The following WDR37 variants were observed in gnomAD, a reference collection of about 807,000 sequenced individuals.
WDR37 encodes the protein WD repeat domain 37.
WDR37 carries 19 observed loss-of-function variants against 62.9 expected under a neutral mutation model. That is an observed-to-expected ratio of 0.30 (90% CI 0.21 to 0.44). The LOEUF (loss-of-function observed/expected upper bound fraction) is 0.44. WDR37 is among the 20% of genes least tolerant of loss of function. WDR37 has a pLI of 1.00. For synonymous variants in WDR37, 250 were observed against 260.9 expected (o/e 0.96, Z 0.40); for missense variants, 474 against 657.6 (o/e 0.72, Z 3.05).
chr10:1,102,802 C>G (rs567124597), intron 9 of WDR37, among the ~76,000 whole-genome samples: 1 of 152,182 alleles, frequency 6.6e-6, no homozygotes, highest in African/African-American at 2.4e-5. Context: ...GTATATATGA[C>G]ATACCTCTCC....
intron 7 of WDR37, among the ~76,000 whole-genome samples, chr10:1,087,619 T>A (rs1484072160): frequency 6.6e-6 from 1 of 152,222 alleles, no homozygotes; most frequent in Non-Finnish European, 1.5e-5. Context: ...TAGGTCTTAA[T>A]GGTAGGCTTA....
chr10:1,092,197 A>T (rs897594643), intron 7 of WDR37, among the ~76,000 whole-genome samples: 1 of 143,674 alleles, frequency 7.0e-6, no homozygotes, highest in African/African-American at 2.6e-5. Context: ...AAAAAAAAAA[A>T]AGAAAATGAT....
intron 11 of WDR37, among the ~76,000 whole-genome samples, chr10:1,112,071 C>A (rs112417884): frequency 5.3e-5 from 8 of 152,240 alleles, no homozygotes; most frequent in Non-Finnish European, 1.2e-4. Context: ...CTATTTCTTA[C>A]ACCTTGTTTG....
At chr10:1,086,649 C>T (rs890225139) in intron 7 of WDR37, among the ~76,000 whole-genome samples, 35 of 152,052 alleles carry the variant, frequency 2.3e-4, no homozygotes, top group African/African-American at 8.2e-4. Context: ...GAAATGTGTG[C>T]GTTATTTTTC....
chr10:1,110,831 C>T (rs546046496), intron 11 of WDR37, among the ~76,000 whole-genome samples: 102 of 152,358 alleles, frequency 6.7e-4, no homozygotes, highest in Middle Eastern at 3.4e-3. Context: ...AGCGTGTTAG[C>T]GCCCAGACCC....
At chr10:1,057,212 C>T (rs1274169579) in intron 1 of WDR37, among the ~76,000 whole-genome samples, 1 of 151,166 alleles carries the variant, frequency 6.6e-6, no homozygotes, top group Non-Finnish European at 1.5e-5. Context: ...CAAGAGAAGT[C>T]GGGGCGCAGG....
chr10:1,092,179 CAA>C lies in WDR37; in HGVS notation c.605-1255_605-1254del, dbSNP rs1216415362. Among the ~76,000 whole-genome samples, 333 of 68,842 alleles carry C rather than the reference CAA, an allele frequency of 4.8e-3. 2 individuals carry two copies. The highest frequency in any genetic ancestry group is 0.017 in the African/African-American group (296 of 17,530). 45.2% of individuals were successfully genotyped at this position (68,842 alleles called of 152,430 possible). On this transcript the variant is annotated intron_variant, in intron 7 of 13. Transcript: ENST00000263150. ...TGGGAGACACAGCGAGACTCCGTCT[CAA>C]AAAAAAAAAAAAAAAAAGAAAATGA...
chr10:1,119,083 A>G (rs1269466975), intron 11 of WDR37, among the ~76,000 whole-genome samples: 1 of 152,246 alleles, frequency 6.6e-6, no homozygotes, highest in Admixed American at 6.5e-5. Flanking sequence ...TTTCTTCTGT[A>G]TACCAGAAGG....
At chr10:1,074,380 A>C (rs774790417) in intron 2 of WDR37, 11 of 1,289,670 alleles carry the variant, frequency 8.5e-6, no homozygotes, top group Non-Finnish European at 1.1e-5. Context: ...AAGGTAGCTC[A>C]GAGGTCTCCA....
At chr10:1,099,026 C>T (rs1232889710) in intron 9 of WDR37, among the ~76,000 whole-genome samples, 1 of 152,118 alleles carries the variant, frequency 6.6e-6, no homozygotes, top group Non-Finnish European at 1.5e-5. Context: ...CAACTAATGG[C>T]CTTTATGACA....
At chr10:1,115,869 C>T (rs1421063608) in intron 11 of WDR37, among the ~76,000 whole-genome samples, 1 of 152,156 alleles carries the variant, frequency 6.6e-6, no homozygotes, top group Non-Finnish European at 1.5e-5. Context: ...GCGGAAGTGA[C>T]ATGGAGATGA....
chr10:1,057,532 G>A (rs1244550831), intron 1 of WDR37, among the ~76,000 whole-genome samples: 1 of 152,130 alleles, frequency 6.6e-6, no homozygotes, highest in Non-Finnish European at 1.5e-5. Flanking sequence ...TTAACACAGC[G>A]CCATGATATT....
chr10:1,111,557 G>T (rs780514999), intron 11 of WDR37, among the ~76,000 whole-genome samples: 4 of 152,206 alleles, frequency 2.6e-5, no homozygotes, highest in African/African-American at 9.7e-5. Flanking sequence ...ATGGAGCTCC[G>T]TGCTGTGAGC....
At chr10:1,112,784 G>T (rs1201912454) in intron 11 of WDR37, among the ~76,000 whole-genome samples, 5 of 152,216 alleles carry the variant, frequency 3.3e-5, no homozygotes, top group Admixed American at 6.5e-5. Context: ...CTTCAATTCT[G>T]TGAGGGCTTA....
chr10:1,056,888 G>C lies in WDR37; in HGVS notation c.-121G>C, dbSNP rs1394460780. ...GTCCTGCGCGTCTTCGGGTCAGTAC[G>C]GGGGGCCGCGTCGTAGGGACTCACT... On this transcript the variant is annotated 5_prime_UTR_variant, in exon 1 of 14. Transcript: ENST00000263150. 3 of 152,492 alleles carry C rather than the reference G, an allele frequency of 2.0e-5. No homozygotes were observed. Among genetic ancestry groups the C allele is most frequent in the East Asian group, 3.9e-4 (2 of 5,170 alleles). 9.4% of individuals were successfully genotyped at this position (152,492 alleles called of 1,614,324 possible). A position where few individuals can be genotyped will look rare whatever the true frequency, so the allele number is the denominator to read the frequency against.
chr10:1,104,540 A>G (rs1200613099), intron 10 of WDR37, among the ~76,000 whole-genome samples: 3 of 152,186 alleles, frequency 2.0e-5, no homozygotes, highest in Non-Finnish European at 4.4e-5. Context: ...GTCAAAGTCA[A>G]CTCATTTAGG....
At chr10:1,066,426 A>G (rs888744644) in intron 1 of WDR37, among the ~76,000 whole-genome samples, 4 of 152,172 alleles carry the variant, frequency 2.6e-5, no homozygotes, top group Non-Finnish European at 5.9e-5. Context: ...CGATACTAGG[A>G]CTAATGCAGA....
At chr10:1,125,313 G>A (rs953224717) in intron 13 of WDR37, among the ~76,000 whole-genome samples, 5 of 151,956 alleles carry the variant, frequency 3.3e-5, no homozygotes, top group African/African-American at 1.2e-4. Context: ...CCAGGTTCAA[G>A]CAATTCTTCT....
intron 2 of WDR37, among the ~76,000 whole-genome samples, chr10:1,075,849 G>C (rs892892725): frequency 6.1e-5 from 9 of 146,624 alleles, no homozygotes; most frequent in Non-Finnish European, 1.3e-4. Flanking sequence ...TACTGATCTT[G>C]GCTCACTGCA....
Sources: allele counts gnomAD v4.1 joint callset (sites outside exome capture counted in the v4.1 genomes callset), GRCh38; gene constraint gnomAD v4.1.1; transcripts MANE v1.5; gene names NCBI Gene and HGNC (gene_info 2026-07-23, HGNC 2026-07-21).